The following SLC13A4 variants were observed in gnomAD, a reference collection of about 807,000 sequenced individuals.
SLC13A4 encodes the protein solute carrier family 13 member 4, also known as Na(+)/sulfate cotransporter SUT-1.
SLC13A4 carries 28 observed loss-of-function variants against 72.7 expected under a neutral mutation model. The ratio of observed to expected loss-of-function variants is 0.39; its 90% CI spans 0.29 to 0.53. The LOEUF (loss-of-function observed/expected upper bound fraction) is 0.53, where lower values mean the gene tolerates loss of function less well. Ranked by LOEUF, SLC13A4 falls within the 20% of genes least tolerant of loss-of-function variation. The pLI is 0.78. For missense variants in SLC13A4, 653 were observed against 788.0 expected, an observed-to-expected ratio of 0.83 and a Z score of 2.05; for synonymous variants, 312 against 325.5, an observed-to-expected ratio of 0.96 and a Z score of 0.45.
intron 8 of SLC13A4, among the ~76,000 whole-genome samples, chr7:135,697,403 C>T (rs1449216887): frequency 6.6e-6 from 1 of 152,154 alleles, no homozygotes; most frequent in Non-Finnish European, 1.5e-5. Flanking sequence ...ACGGCCTTTC[C>T]CTCTCTCAGG....
Position 135,681,591 on chromosome 7 carries a change from C to A in SLC13A4, c.1856G>T (p.Arg619Met). 1.2e-6 allele frequency: 2 copies of A among 1,614,052 alleles called. No individual in the cohort carries two copies. Among genetic ancestry groups the A allele is most frequent in the Non-Finnish European group, 1.7e-6 (2 of 1,179,942 alleles). The change falls in exon 16 of 16, where the codon AGG (arginine) becomes ATG (methionine). Residue 619 changes from arginine to methionine, a missense_variant. By Grantham distance (91) the Arg-to-Met change is moderately conservative. Transcript: ENST00000682651. ...GGCTTGATCAGTGATGTTGCTGACC[C>A]TCGCCCATGCTGGGTAAGTGTCCAG... ...FHLDTYPAWA[R>M]VSNITDQA
In SLC13A4 at chr7:135,721,443, C is replaced by T. The variant is rs1327239162; in HGVS notation, c.180G>A (p.Leu60=). ...SEAVPLGAAA[L]VPAFLYPFFG... ...AGAACGGGTAAAGGAAGGCCGGCAC[C>T]AGGGCTGCAGCTCCCAGAGGCACTG... The change falls in exon 2 of 16, where the codon CTG becomes CTA. Residue 60 remains leucine, a synonymous_variant. Coordinates refer to ENST00000682651, the MANE Select transcript of SLC13A4 (RefSeq NM_001318192.2). The T allele has an allele frequency of 8.1e-6, 13 of 1,613,982 alleles. No individual in the cohort carries two copies. Among genetic ancestry groups the T allele is most frequent in the Non-Finnish European group, 1.0e-5 (12 of 1,179,994 alleles).
At chr7:135,720,564 A>AAC (rs1554480222) in intron 2 of SLC13A4, among the ~76,000 whole-genome samples, 8 of 151,054 alleles carry the variant, frequency 5.3e-5, no homozygotes, top group African/African-American at 2.0e-4. Context: ...TAAAAAAAAA[A>AAC]AAAAAAAAAA....
intron 2 of SLC13A4, among the ~76,000 whole-genome samples, chr7:135,713,789 C>A (rs1796357313): frequency 6.6e-6 from 1 of 152,214 alleles, no homozygotes; most frequent in African/African-American, 2.4e-5. Context: ...GTTGGCCAGG[C>A]TGGTCTTCAA....
Position 135,709,197 on chromosome 7 carries a change from C to T in SLC13A4, c.229-947G>A, listed in dbSNP as rs960191699. Among the ~76,000 whole-genome samples, 4 of 151,872 alleles carry T rather than the reference C, an allele frequency of 2.6e-5. No individual in the cohort carries two copies. In the South Asian group the frequency reaches 8.3e-4, roughly 32 times the overall value. ...CCTCCTACCTCGGCCTCCCAAATTGCGGGGATCAGAAGCATGAGCCAGCGC... is the reference window on the plus strand; with the variant it reads ...CCTCCTACCTCGGCCTCCCAAATTGTGGGGATCAGAAGCATGAGCCAGCGC... On this transcript the variant is annotated intron_variant, in intron 2 of 15. Transcript: ENST00000682651.
chr7:135,725,631 C>A (rs1469649730), intron 1 of SLC13A4, among the ~76,000 whole-genome samples: 1 of 152,044 alleles, frequency 6.6e-6, no homozygotes, highest in Non-Finnish European at 1.5e-5. Flanking sequence ...CAGTCCAGAG[C>A]AAGAAAATCC....
chr7:135,686,745 C>T (rs981010293), intron 13 of SLC13A4, among the ~76,000 whole-genome samples: 1 of 152,168 alleles, frequency 6.6e-6, no homozygotes, highest in East Asian at 1.9e-4. Context: ...GCAACAGTTA[C>T]ACACATCCAC....
chr7:135,723,130 G>T (rs1796581658), intron 1 of SLC13A4, among the ~76,000 whole-genome samples: 1 of 152,136 alleles, frequency 6.6e-6, no homozygotes, highest in Non-Finnish European at 1.5e-5. Flanking sequence ...ATTCCTGGTT[G>T]AGAGCCACTG....
chr7:135,691,428 G>T, intron 12 of SLC13A4, 103 bp from the exon 13 acceptor site: 2 of 1,224,466 alleles, frequency 1.6e-6, no homozygotes, highest in Non-Finnish European at 2.3e-6. Flanking sequence ...ACTGCTATTT[G>T]GGGCGGGGGC....
At chr7:135,723,026 C>A (rs778393232) in intron 1 of SLC13A4, among the ~76,000 whole-genome samples, 2 of 152,170 alleles carry the variant, frequency 1.3e-5, no homozygotes, top group African/African-American at 2.4e-5. Flanking sequence ...CATCCCTGGT[C>A]TCTACCCACT....
At chr7:135,683,881 C>T in intron 15 of SLC13A4, 3 of 753,516 alleles carry the variant, frequency 4.0e-6, no homozygotes, top group Non-Finnish European at 4.9e-6. Context: ...TCTGTTCCAG[C>T]TTTCTCTACC....
In SLC13A4 at chr7:135,694,154, T is replaced by G. The variant is rs552109489; in HGVS notation, c.1104A>C (p.Glu368Asp). 1.1e-4 allele frequency: 170 copies of G among 1,609,890 alleles called. No individual in the cohort carries two copies. In the South Asian group the frequency reaches 1.6e-3, roughly 15 times the overall value. Residue 368 changes from glutamate (E) to aspartate (D), a missense_variant, in exon 10 of 16, where the codon GAA (glutamate) becomes GAC (aspartate). Transcript: ENST00000682651. ...ATTTTTACCTAATGTCTCCCAGTTTTTCATATTCTTCTTGGATCCTCTTCT... is the reference window on the plus strand; with the variant it reads ...ATTTTTACCTAATGTCTCCCAGTTTGTCATATTCTTCTTGGATCCTCTTCT... ...LSEKRIQEEYEKLGDISYPEM... is the reference protein window; with the variant it reads ...LSEKRIQEEYDKLGDISYPEM...
intron 13 of SLC13A4, among the ~76,000 whole-genome samples, chr7:135,685,933 A>G (rs905635193): frequency 9.9e-5 from 15 of 152,220 alleles, no homozygotes; most frequent in African/African-American, 3.6e-4. Context: ...GAGCCACCCT[A>G]ATTGCCATGA....
chr7:135,705,065 T>C (rs1187871906), intron 5 of SLC13A4: 1 of 153,120 alleles, frequency 6.5e-6, no homozygotes, highest in East Asian at 1.9e-4. Context: ...CTTTTCCAGC[T>C]CTGCTTCCCA....
chr7:135,724,500 G>GAAAAAA (rs5887740), intron 1 of SLC13A4, among the ~76,000 whole-genome samples: 15 of 94,464 alleles, frequency 1.6e-4, no homozygotes, highest in South Asian at 3.9e-4. Context: ...CTCTGTCTCA[G>GAAAAAA]AAAAAAAAAA....
chr7:135,706,538 G>GA (rs1796166255), intron 3 of SLC13A4, among the ~76,000 whole-genome samples: 1 of 152,238 alleles, frequency 6.6e-6, no homozygotes, highest in Non-Finnish European at 1.5e-5. Flanking sequence ...GCCTTAGCCA[G>GA]AAAAAAGTCC....
intron 1 of SLC13A4, among the ~76,000 whole-genome samples, chr7:135,724,217 G>A (rs1202079205): frequency 6.6e-6 from 1 of 152,174 alleles, no homozygotes; most frequent in East Asian, 1.9e-4. Flanking sequence ...AAAGGGAAAG[G>A]AGAAAGAGGA....
At chr7:135,687,470 C>T (rs1345139523) in intron 13 of SLC13A4, among the ~76,000 whole-genome samples, 1 of 152,262 alleles carries the variant, frequency 6.6e-6, no homozygotes, top group Non-Finnish European at 1.5e-5. Flanking sequence ...AGTACCCTGG[C>T]CACCTCCTGG....
Position 135,681,588 on chromosome 7 carries a change from A to AC in SLC13A4, c.1858dup (p.Val620GlyfsTer6). On this transcript the variant is annotated frameshift_variant, in exon 16 of 16. Transcript: ENST00000682651. LOFTEE classifies it high-confidence loss of function. Reference sequence around the variant, plus strand: ...TTAGGCTTGATCAGTGATGTTGCTGACCCTCGCCCATGCTGGGTAAGTGTC... The same window carrying AC: ...TTAGGCTTGATCAGTGATGTTGCTGACCCCTCGCCCATGCTGGGTAAGTGTC... 6.2e-7 allele frequency: 1 copy of AC among 1,613,836 alleles called. No homozygotes were observed. The highest frequency in any genetic ancestry group is 8.5e-7 in the Non-Finnish European group (1 of 1,179,892).
Sources: gnomAD v4.1 joint callset for allele counts (sites outside exome capture counted in the v4.1 genomes callset) on GRCh38, gnomAD v4.1.1 for gene constraint, MANE v1.5 for transcripts, NCBI Gene and HGNC (gene_info 2026-07-23, HGNC 2026-07-21) for gene names.